Variants in TBC1D22A observed in about 807,000 individuals in gnomAD.
TBC1D22A encodes putative GTPase activator.
In TBC1D22A, 38 loss-of-function variants were observed where a neutral mutation model predicts 60.2. That is an observed-to-expected ratio of 0.63 (90% confidence interval 0.49 to 0.83). The LOEUF is 0.83. Ranked by LOEUF, TBC1D22A falls within the 40% of genes least tolerant of loss-of-function variation. TBC1D22A has a pLI of 0.00. For missense variants in TBC1D22A, 628 were observed against 701.0 expected, an observed-to-expected ratio of 0.90 and a Z score of 1.18; for synonymous variants, 302 against 281.7, an observed-to-expected ratio of 1.07 and a Z score of -0.72.
At chr22:47,049,845 A>G (rs1053796795) in intron 11 of TBC1D22A, among the ~76,000 whole-genome samples, 1 of 152,218 alleles carries the variant, frequency 6.6e-6, no homozygotes, top group African/African-American at 2.4e-5. Flanking sequence ...TTGTGCTTAA[A>G]GCTTTTTCTG....
At chr22:46,998,993 G>GT (rs779080930) in intron 10 of TBC1D22A, among the ~76,000 whole-genome samples, 4 of 152,196 alleles carry the variant, frequency 2.6e-5, no homozygotes, top group Admixed American at 6.5e-5. Flanking sequence ...ATGATTTGCA[G>GT]TAGATGTGAA....
intron 7 of TBC1D22A, among the ~76,000 whole-genome samples, chr22:46,911,551 C>T (rs1483143277): frequency 6.6e-6 from 1 of 152,196 alleles, no homozygotes; most frequent in Non-Finnish European, 1.5e-5. Context: ...CAGGGACGGA[C>T]TGAGCCAGGG....
At chr22:46,837,159 A>G (rs1016059058) in intron 4 of TBC1D22A, among the ~76,000 whole-genome samples, 3 of 152,240 alleles carry the variant, frequency 2.0e-5, no homozygotes, top group African/African-American at 7.2e-5. Context: ...AGACAAGGGC[A>G]TTGTATAATG....
chr22:47,014,444 C>T (rs146044088), intron 10 of TBC1D22A, among the ~76,000 whole-genome samples: 4 of 152,270 alleles, frequency 2.6e-5, no homozygotes, highest in Non-Finnish European at 5.9e-5. Flanking sequence ...CTGGACATGC[C>T]GTGAGTGTGC....
At chr22:46,894,508 G>A (rs2068568338) in intron 6 of TBC1D22A, among the ~76,000 whole-genome samples, 1 of 152,164 alleles carries the variant, frequency 6.6e-6, no homozygotes, top group Non-Finnish European at 1.5e-5. Context: ...AAGCAGCCGA[G>A]GCCTGCTCTG....
intron 8 of TBC1D22A, among the ~76,000 whole-genome samples, chr22:46,933,156 C>T (rs1317490330): frequency 1.3e-5 from 2 of 152,212 alleles, no homozygotes; most frequent in Non-Finnish European, 2.9e-5. Flanking sequence ...CATCTGCCTT[C>T]CATTCCTATC....
chr22:46,830,091 C>T (rs1006339834), intron 4 of TBC1D22A, among the ~76,000 whole-genome samples: 1 of 152,176 alleles, frequency 6.6e-6, no homozygotes, highest in Non-Finnish European at 1.5e-5. Flanking sequence ...AGACATTTCC[C>T]AGTTGCTGAT....
At chr22:46,805,239 G>A (rs1013474650) in intron 4 of TBC1D22A, among the ~76,000 whole-genome samples, 4 of 152,320 alleles carry the variant, frequency 2.6e-5, no homozygotes, top group Non-Finnish European at 4.4e-5. Flanking sequence ...AGCCACCAGC[G>A]GTCAGTCTCC....
chr22:46,819,321 G>C (rs2085730648), intron 4 of TBC1D22A, among the ~76,000 whole-genome samples: 1 of 152,178 alleles, frequency 6.6e-6, no homozygotes, highest in Non-Finnish European at 1.5e-5. Flanking sequence ...AGTTTTCAGA[G>C]GGAATGCTTC....
chr22:47,113,027 C>G (rs2065906856), intron 12 of TBC1D22A, among the ~76,000 whole-genome samples: 1 of 152,252 alleles, frequency 6.6e-6, no homozygotes, highest in Admixed American at 6.5e-5. Context: ...CCTGGCCAGC[C>G]TCCTGCTGTC....
At chr22:46,780,305 C>T (rs746837738) in intron 1 of TBC1D22A, among the ~76,000 whole-genome samples, 13 of 152,144 alleles carry the variant, frequency 8.5e-5, no homozygotes, top group East Asian at 5.8e-4. Flanking sequence ...AGCATTTAAT[C>T]GTAAATGTTT....
At chr22:47,059,974 C>T (rs1482237714) in intron 11 of TBC1D22A, among the ~76,000 whole-genome samples, 1 of 152,180 alleles carries the variant, frequency 6.6e-6, no homozygotes, top group African/African-American at 2.4e-5. Context: ...GAGCGTCGCA[C>T]AGCCGCCCGA....
At chr22:47,094,670 A>C (rs1016604542) in intron 11 of TBC1D22A, among the ~76,000 whole-genome samples, 1 of 152,164 alleles carries the variant, frequency 6.6e-6, no homozygotes, top group Admixed American at 6.5e-5. Flanking sequence ...ATAAATATCC[A>C]TTGGGAATTT....
intron 11 of TBC1D22A, among the ~76,000 whole-genome samples, chr22:47,107,283 G>C (rs767181094): frequency 6.6e-6 from 1 of 152,168 alleles, no homozygotes; most frequent in East Asian, 1.9e-4. Context: ...TGGAAACCTC[G>C]AAATGAGAGC....
At chr22:46,906,556 C>T (rs932900155) in intron 7 of TBC1D22A, among the ~76,000 whole-genome samples, 1 of 152,156 alleles carries the variant, frequency 6.6e-6, no homozygotes, top group African/African-American at 2.4e-5. Flanking sequence ...GGAGCACTCA[C>T]CATGGGTTTC....
At chr22:46,938,321 C>T (rs575548957) in intron 8 of TBC1D22A, among the ~76,000 whole-genome samples, 3 of 152,312 alleles carry the variant, frequency 2.0e-5, no homozygotes, top group African/African-American at 7.2e-5. Context: ...TACAGTAACA[C>T]GCTGCACAGG....
intron 10 of TBC1D22A, among the ~76,000 whole-genome samples, chr22:47,014,458 T>C (rs1342464475): frequency 6.6e-6 from 1 of 152,146 alleles, no homozygotes; most frequent in Non-Finnish European, 1.5e-5. Flanking sequence ...AGTGTGCTTT[T>C]GTATTGAGGT....
chr22:47,142,565 T>C (rs1342344010), intron 12 of TBC1D22A, among the ~76,000 whole-genome samples: 3 of 87,092 alleles, frequency 3.4e-5, no homozygotes, highest in African/African-American at 4.9e-5. Flanking sequence ...CACCCATCTA[T>C]CCACCTACCC....
chr22:47,081,064 G>C (rs978277262), intron 11 of TBC1D22A, among the ~76,000 whole-genome samples: 3 of 146,228 alleles, frequency 2.1e-5, no homozygotes, highest in African/African-American at 7.6e-5. Flanking sequence ...AGGTTGCGGT[G>C]AGCCGAAATT....
Sources: allele counts gnomAD v4.1 joint callset (sites outside exome capture counted in the v4.1 genomes callset), GRCh38; gene constraint gnomAD v4.1.1; transcripts MANE v1.5; gene names NCBI Gene and HGNC (gene_info 2026-07-23, HGNC 2026-07-21).